Variants in SEC16A observed in about 807,000 individuals in gnomAD.
The protein encoded by SEC16A is SEC16 homolog A, endoplasmic reticulum export factor.
SEC16A carries 110 observed loss-of-function variants against 221.9 expected under a neutral mutation model. The observed-to-expected ratio is 0.50, with a 90% CI of 0.42 to 0.58. SEC16A has a LOEUF of 0.58. Among genes scored for constraint, SEC16A ranks in the 20% least tolerant of loss-of-function variants. The pLI, the probability that SEC16A is intolerant of heterozygous loss-of-function variation, is 0.00. For synonymous variants in SEC16A, 1,393 were observed against 1,257.7 expected (o/e 1.11, Z -2.28); for missense variants, 3,165 against 3,097.8 (o/e 1.02, Z -0.52).
At chr9:136,467,156 C>T (rs1840267396) in intron 5 of SEC16A, 73 bp from the exon 6 acceptor site, 3 of 1,559,036 alleles carry the variant, frequency 1.9e-6, no homozygotes, top group East Asian at 2.2e-5. Context: ...ACTAAAGAAG[C>T]GACACCACCC....
intron 9 of SEC16A, among the ~76,000 whole-genome samples, chr9:136,463,962 T>C (rs1588953970): frequency 6.6e-6 from 1 of 152,332 alleles, no homozygotes; most frequent in African/African-American, 2.4e-5. Flanking sequence ...GTGAAATCCA[T>C]TTTCTCTCCC....
At chr9:136,483,509 C>G, upstream of SEC16A, 1 of 978,968 alleles carries the variant, frequency 1.0e-6, no homozygotes, top group African/African-American at 1.8e-5. Flanking sequence ...TGCCGCCTCA[C>G]CGCTTGGCCC....
intron 3 of SEC16A, among the ~76,000 whole-genome samples, chr9:136,473,247 G>A (rs1319447251): frequency 2.0e-5 from 3 of 152,344 alleles, no homozygotes; most frequent in East Asian, 1.9e-4. Context: ...CTTACATACC[G>A]CAAGACCATG....
chr9:136,461,068 A>G, intron 13 of SEC16A, 109 bp downstream of exon 13: 1 of 816,784 alleles, frequency 1.2e-6, no homozygotes, highest in Non-Finnish European at 2.1e-6. Flanking sequence ...GTGGGAGCAC[A>G]GCACAGTCAA....
chr9:136,463,769 C>A (rs1255754409), intron 9 of SEC16A, 29 bp from the exon 10 acceptor site: 3 of 1,610,516 alleles, frequency 1.9e-6, no homozygotes, highest in South Asian at 1.1e-5. Context: ...GGGTCAGTGG[C>A]AGCCAGTGCG....
chr9:136,454,254 CG>C lies in SEC16A; in HGVS notation c.5930del (p.Pro1977ArgfsTer11). 1 of 1,579,458 alleles carries C rather than the reference CG, an allele frequency of 6.3e-7. No individual in the cohort carries two copies. Among genetic ancestry groups the C allele is most frequent in the Non-Finnish European group, 8.6e-7 (1 of 1,163,234 alleles). Reference protein sequence around the residue: ...RVPMFPVPLPPGPLEPGPGCV... With the variant: ...RVPMFPVPLPXGPLEPGPGCV... ...AGCCAGGACCCGGCTCCAGGGGCCCCGGGGGCAGTGGCACTGGGAACATCGG... is the reference window on the plus strand; with the variant it reads ...AGCCAGGACCCGGCTCCAGGGGCCCCGGGGCAGTGGCACTGGGAACATCGG... On this transcript the variant is annotated frameshift_variant, in exon 21 of 32. Coordinates refer to ENST00000684901, the MANE Select transcript of SEC16A (RefSeq NM_014866.2). LOFTEE classifies it high-confidence loss of function.
chr9:136,460,402 C>G (rs758432504), intron 13 of SEC16A, among the ~76,000 whole-genome samples: 2 of 152,122 alleles, frequency 1.3e-5, no homozygotes, highest in Admixed American at 6.5e-5. Context: ...TTGCAGTGAG[C>G]TGGGATCGTG....
chr9:136,464,350 A>G, intron 9 of SEC16A, 70 bp downstream of exon 9: 3 of 1,446,310 alleles, frequency 2.1e-6, no homozygotes, highest in Non-Finnish European at 2.8e-6. Context: ...ATTGAAGATG[A>G]CAAACTGCAA....
At position 136,474,283 on chromosome 9, in the gene SEC16A, C is replaced by G. The variant is rs368144823; in HGVS notation, c.3333G>C (p.Gln1111His). The G allele has an allele frequency of 1.2e-6, 2 of 1,608,174 alleles. No homozygotes were observed. The highest frequency in any genetic ancestry group is 2.7e-5 in the African/African-American group (2 of 74,872). The stretch of plus-strand genomic sequence containing the variant: ...AGGACTGAGGAGGCCGAGGGGGCAG[C>G]TGCTGACCCGCGTCGACCAGAACCA... Reference protein sequence around the residue: ...ASLVLVDAGQQLPPRPPQSSS... With the variant: ...ASLVLVDAGQHLPPRPPQSSS... The change falls in exon 3 of 32, where the codon CAG becomes CAC. Residue 1111 changes from glutamine (Q) to histidine (H), a missense_variant. This residue lies in a region of SEC16A where 2,030 missense variants were observed against 1,923.1 expected (regional missense o/e 1.06). Coordinates refer to ENST00000684901, the MANE Select transcript of SEC16A (RefSeq NM_014866.2).
At position 136,475,465 on chromosome 9, in the gene SEC16A, C is replaced by T. The variant is rs1401793026; in HGVS notation, c.2151G>A (p.Lys717=). The change falls in exon 3 of 32, where the codon AAG becomes AAA. Residue 717 remains lysine, a synonymous_variant. Coordinates refer to ENST00000684901, the MANE Select transcript of SEC16A (RefSeq NM_014866.2). This position sits in a 1 kb window ranked among gnomAD's most constrained non-coding sequence, Gnocchi z 5.0. ...ACAGAGTCGTTGCTGGGCTCTCACA[C>T]TTCACGGGCCCCTGGGTCCTGGCTG... ...RPSARTQGPV[K]CESPATTLWA... is the part of the protein sequence containing the mutation. 5 of 1,608,104 alleles carry T rather than the reference C, an allele frequency of 3.1e-6. No individual in the cohort carries two copies. Among genetic ancestry groups the T allele is most frequent in the Non-Finnish European group, 3.4e-6 (4 of 1,176,354 alleles).
At chr9:136,457,376 G>A in intron 18 of SEC16A, 68 bp downstream of exon 18, 1 of 1,517,260 alleles carries the variant, frequency 6.6e-7, no homozygotes. Context: ...CCATGCCCGG[G>A]GGCTCTGGCA....
rs1841409634 is a variant in SEC16A at position 136,474,854 on chromosome 9, G to C, written c.2762C>G (p.Pro921Arg). 2 of 1,613,818 alleles carry C rather than the reference G, an allele frequency of 1.2e-6. No individual in the cohort carries two copies. Among genetic ancestry groups the C allele is most frequent in the African/African-American group, 2.7e-5 (2 of 74,924 alleles). ...TGGTGGTTGAACCAGCAAATTAGCAGGCTGATTAGAAACCATTTCGGAAGC... is the reference window on the plus strand; with the variant it reads ...TGGTGGTTGAACCAGCAAATTAGCACGCTGATTAGAAACCATTTCGGAAGC... ...SGASEMVSNQ[P>R]ANLLVQPPSQ... The change falls in exon 3 of 32, where the codon CCT becomes CGT. Residue 921 changes from proline to arginine, a missense_variant. Pro to Arg is a moderately radical substitution (Grantham distance 103, BLOSUM62 -2). Transcript: ENST00000684901.
rs373377796 is a variant in SEC16A at position 136,462,925 on chromosome 9, C to A, written c.4855G>T (p.Glu1619Ter). The A allele has an allele frequency of 1.2e-6, 2 of 1,603,480 alleles. No homozygotes were observed. The highest frequency in any genetic ancestry group is 1.7e-6 in the Non-Finnish European group (2 of 1,179,820). Residue 1619 changes from glutamate (E) to a stop codon, truncating the protein, a stop_gained, in exon 12 of 32, where the codon GAG becomes TAG. Transcript: ENST00000684901. LOFTEE classifies it high-confidence loss of function. ...AAASSLERET[E>*]RFRELLLYGR... Reference sequence around the variant, plus strand: ...TACAGCAACAGCTCCCTGAACCTCTCGGTCTCTCTCTCGAGCGAGCTGGCG... The same window carrying A: ...TACAGCAACAGCTCCCTGAACCTCTAGGTCTCTCTCTCGAGCGAGCTGGCG...
Position 136,463,133 on chromosome 9 carries a change from CTGTT to C in SEC16A, c.4648-5_4648-2del, listed in dbSNP as rs1484541891. The C allele has an allele frequency of 4.4e-6, 7 of 1,608,484 alleles. No individual in the cohort carries two copies. In the Admixed American group the frequency reaches 1.0e-4, roughly 23 times the overall value. On this transcript the variant is annotated splice_acceptor_variant and splice_polypyrimidine_tract_variant and intron_variant, in intron 11 of 31. Transcript: ENST00000684901. LOFTEE classifies it high-confidence loss of function. The stretch of plus-strand genomic sequence containing the variant: ...CCGCAATGTCGGTCCCTACCACGGT[CTGTT>C]TGGGTCAACAGGAACAGGAAGGAGA...
At chr9:136,455,316 G>C (rs906685749) in intron 20 of SEC16A, among the ~76,000 whole-genome samples, 2 of 152,178 alleles carry the variant, frequency 1.3e-5, no homozygotes, top group Non-Finnish European at 2.9e-5. Context: ...AAACAAGCAG[G>C]GAGGCTGAGC....
rs182435046 is a variant in SEC16A, at chr9:136,448,142, C to A, written c.6332G>T (p.Arg2111Leu). The A allele has an allele frequency of 6.2e-7, 1 of 1,613,502 alleles. No homozygotes were observed. Among genetic ancestry groups the A allele is most frequent in the East Asian group, 2.2e-5 (1 of 44,880 alleles). ...EPKKGESWFF[R>L]WLPGKKKTEA... is the part of the protein sequence containing the mutation. ...TGTCTTTTTCTTTCCAGGTAGCCAACGAAAGAACCAGGATTCACCCTAAAT... is the reference window on the plus strand; with the variant it reads ...TGTCTTTTTCTTTCCAGGTAGCCAAAGAAAGAACCAGGATTCACCCTAAAT... Residue 2111 changes from arginine (R) to leucine (L), a missense_variant, in exon 24 of 32, where the codon CGT becomes CTT. Physicochemically the swap from Arg to Leu is moderately radical, Grantham distance 102. Coordinates refer to ENST00000684901, the MANE Select transcript of SEC16A (RefSeq NM_014866.2).
At chr9:136,457,142 TCCAG>T (rs1838786677) in intron 18 of SEC16A, among the ~76,000 whole-genome samples, 1 of 152,230 alleles carries the variant, frequency 6.6e-6, no homozygotes, top group East Asian at 1.9e-4. Flanking sequence ...CACACTGCAC[TCCAG>T]CCTGGGTGAC....
At position 136,474,227 on chromosome 9, in the gene SEC16A, C is replaced by A; in HGVS notation, c.3389G>T (p.Gly1130Val). The A allele has an allele frequency of 6.2e-7, 1 of 1,610,168 alleles. No homozygotes were observed. Among genetic ancestry groups the A allele is most frequent in the Middle Eastern group, 1.7e-4 (1 of 6,006 alleles). The change falls in exon 3 of 32, where the codon GGC becomes GTC. Residue 1130 changes from glycine (G) to valine (V), a missense_variant. Coordinates refer to ENST00000684901, the MANE Select transcript of SEC16A (RefSeq NM_014866.2). Reference protein sequence around the residue: ...SSVSLVSSGSGQAAVPSEQPW... With the variant: ...SSVSLVSSGSVQAAVPSEQPW... ...CTGCTCTGACGGCACAGCTGCCTGG[C>A]CGGAGCCACTGGACACCAGAGACAC...
chr9:136,446,714 T>C, intron 28 of SEC16A, 141 bp downstream of exon 28: 1 of 800,202 alleles, frequency 1.2e-6, no homozygotes, highest in Non-Finnish European at 1.9e-6. Flanking sequence ...GTCTCTACCA[T>C]ACATAAGTGT....
Sources: gnomAD v4.1 joint callset for allele counts (sites outside exome capture counted in the v4.1 genomes callset) on GRCh38, gnomAD v4.1.1 for gene constraint, gnomAD v4.1.1 regional missense constraint, Gnocchi (gnomAD v3.1) non-coding constraint, MANE v1.5 for transcripts, NCBI Gene and HGNC (gene_info 2026-07-23, HGNC 2026-07-21) for gene names.